Variants in PLEKHM2 observed in about 807,000 individuals in gnomAD.
The protein encoded by PLEKHM2 is pleckstrin homology domain-containing family M member 2.
A neutral mutation model predicts 116.3 loss-of-function variants in PLEKHM2; 77 were observed. That is an observed-to-expected ratio of 0.66 (90% CI 0.55 to 0.80). PLEKHM2 has a LOEUF of 0.80. Ranked by LOEUF, PLEKHM2 falls within the 30% of genes least tolerant of loss-of-function variation. PLEKHM2 has a pLI of 0.00. For missense variants in PLEKHM2, 1,183 were observed against 1,354.9 expected (o/e 0.87, Z 1.99); for synonymous variants, 562 against 571.0 (o/e 0.98, Z 0.22).
In PLEKHM2 at chr1:15,715,619, C is replaced by T. The variant is rs571578937; in HGVS notation, c.61-618C>T. Among the ~76,000 whole-genome samples, 9 of 152,128 alleles carry T rather than the reference C, an allele frequency of 5.9e-5. No individual in the cohort carries two copies. The South Asian group carries it at 1.2e-3, about 21-fold the overall frequency. On this transcript the variant is annotated intron_variant, in intron 1 of 19. Transcript: ENST00000375799. ...TCATGCCACTGCCCTCCAGCCTGGG[C>T]GACAGAACAAGACTTTGTCTCAATA...
chr1:15,723,520 G>A (rs781027200), intron 7 of PLEKHM2, among the ~76,000 whole-genome samples: 1 of 151,338 alleles, frequency 6.6e-6, no homozygotes, highest in Non-Finnish European at 1.5e-5. Context: ...CTGGAGGATC[G>A]CCTGAGCCCA....
intron 16 of PLEKHM2, 130 bp downstream of exon 16, chr1:15,731,387 G>A (rs984098455): frequency 3.1e-5 from 23 of 734,832 alleles, no homozygotes; most frequent in African/African-American, 1.2e-4. Flanking sequence ...CCTGACAGGT[G>A]GCCTGGGGCT....
At position 15,727,770 on chromosome 1, in the gene PLEKHM2, G is replaced by A. The variant is rs768902524; in HGVS notation, c.1698G>A (p.Glu566=). 5.6e-6 allele frequency: 9 copies of A among 1,604,936 alleles called. No individual in the cohort carries two copies. Among genetic ancestry groups the A allele is most frequent in the Non-Finnish European group, 1.7e-6 (2 of 1,176,690 alleles). ...CCAGCCCGTGTCTGAGTAGCGCTGA[G>A]GATTCTGGGGTGGATGAGGGACAGG... The part of the protein sequence containing the change: ...DQPSPCLSSA[E]DSGVDEGQGS... The change falls in exon 9 of 20, where the codon GAG becomes GAA. Residue 566 remains glutamate, a synonymous_variant. Coordinates refer to ENST00000375799, the MANE Select transcript of PLEKHM2 (RefSeq NM_015164.4). This position sits in a 1 kb window ranked among gnomAD's most constrained non-coding sequence, Gnocchi z 7.5.
At chr1:15,684,685 C>T in intron 1 of PLEKHM2, 67 bp downstream of exon 1, 1 of 609,428 alleles carries the variant, frequency 1.6e-6, no homozygotes, top group Non-Finnish European at 2.0e-6. Flanking sequence ...TCCGGCGGCG[C>T]TCTCCCGGGC....
chr1:15,727,688 T>A lies in PLEKHM2; in HGVS notation c.1616T>A (p.Val539Glu). The A allele has an allele frequency of 6.3e-7, 1 of 1,594,812 alleles. No homozygotes were observed. Among genetic ancestry groups the A allele is most frequent in the Non-Finnish European group, 8.5e-7 (1 of 1,171,598 alleles). Reference sequence around the variant, plus strand: ...CTGTCCCTGGTCAGGGAGGGGCCTGTGTCTGAGCCAGAGCCTGGGACCCAG... The same window carrying A: ...CTGTCCCTGGTCAGGGAGGGGCCTGAGTCTGAGCCAGAGCCTGGGACCCAG... The part of the protein sequence containing the change: ...AQLSLVREGP[V>E]SEPEPGTQEV... Residue 539 changes from valine to glutamate, a missense_variant, in exon 9 of 20, where the codon GTG becomes GAG. By Grantham distance (121) the Val-to-Glu change is moderately radical. Transcript: ENST00000375799. The surrounding 1 kb of genome is among the most constrained non-coding windows in gnomAD (Gnocchi z 7.5).
intron 1 of PLEKHM2, among the ~76,000 whole-genome samples, chr1:15,685,557 A>AAAG (rs1640752365): frequency 1.4e-5 from 2 of 147,954 alleles, no homozygotes; most frequent in African/African-American, 5.2e-5. Context: ...AAAAAAAAAA[A>AAAG]AAAGAAAGAA....
chr1:15,720,510 A>T, intron 6 of PLEKHM2: 1 of 983,290 alleles, frequency 1.0e-6, no homozygotes, highest in African/African-American at 1.7e-5. Flanking sequence ...TCTTGACCCA[A>T]TGATTTACTG....
intron 1 of PLEKHM2, among the ~76,000 whole-genome samples, chr1:15,712,362 ATCAG>A (rs1228321740): frequency 2.6e-5 from 4 of 152,146 alleles, no homozygotes; most frequent in Non-Finnish European, 2.9e-5. Context: ...CGGAGTGTAA[ATCAG>A]TCAGACATTC....
chr1:15,703,209 G>A (rs570020280), intron 1 of PLEKHM2, among the ~76,000 whole-genome samples: 30 of 152,334 alleles, frequency 2.0e-4, no homozygotes, highest in African/African-American at 6.5e-4. Context: ...AGGCCAGGCC[G>A]GGCCGGGCAA....
In PLEKHM2 at chr1:15,718,548, G is replaced by A. The variant is rs550524661; in HGVS notation, c.388G>A (p.Val130Ile). The A allele has an allele frequency of 3.9e-5, 61 of 1,570,912 alleles. No homozygotes were observed. The East Asian group carries it at 1.4e-3, about 35-fold the overall frequency. The change falls in exon 5 of 20, where the codon GTC becomes ATC. Residue 130 changes from valine (V) to isoleucine (I), a missense_variant. Around this residue, in one of 3 missense-constraint regions of PLEKHM2, gnomAD observed 217 missense variants for 277.6 expected, o/e 0.78. Transcript: ENST00000375799. ...TCTCATGTCTTGCAGGAATGCCCTG[G>A]TCTGCAGCCACGATCACCTGACGCT... ...LHKYYVKNAL[V>I]CSHDHLTLFL...
chr1:15,733,156 T>C (rs900602790), intron 19 of PLEKHM2, among the ~76,000 whole-genome samples: 2 of 152,236 alleles, frequency 1.3e-5, no homozygotes, highest in East Asian at 3.8e-4. Flanking sequence ...AAGGTGGGCA[T>C]GTTGGTGCCA....
intron 7 of PLEKHM2, among the ~76,000 whole-genome samples, chr1:15,724,302 G>A (rs1250964464): frequency 9.2e-5 from 14 of 152,170 alleles, no homozygotes; most frequent in Admixed American, 6.5e-4. Context: ...GGCCAACATG[G>A]TGAAACCCCA....
At chr1:15,724,912 G>A (rs888143657) in intron 7 of PLEKHM2, among the ~76,000 whole-genome samples, 2 of 152,134 alleles carry the variant, frequency 1.3e-5, no homozygotes. Flanking sequence ...CGTCCTGGCA[G>A]GAAGGCTCTG....
chr1:15,682,475 G>C (rs936029509), upstream of PLEKHM2, among the ~76,000 whole-genome samples: 11 of 149,836 alleles, frequency 7.3e-5, no homozygotes, highest in Admixed American at 7.4e-4. Context: ...AAATTAGCTG[G>C]GCATGGTGTC....
chr1:15,716,219 T>G lies in PLEKHM2; in HGVS notation c.61-18T>G, dbSNP rs982890901. 1.5e-6 allele frequency: 2 copies of G among 1,345,944 alleles called. No homozygotes were observed. Among genetic ancestry groups the G allele is most frequent in the African/African-American group, 1.6e-5 (1 of 64,430 alleles). The allele number at this position is 1,345,944 out of a possible 1,614,324, so 83.4% of individuals were successfully genotyped here. ...TCTTAATCCATTTCTGATTTGGAGG[T>G]GTTTTTTTTTCTTTCAGTTGCAGAG... On this transcript the variant is annotated intron_variant, in intron 1 of 19. Transcript: ENST00000375799.
chr1:15,719,023 C>T lies in PLEKHM2; in HGVS notation c.465+398C>T, dbSNP rs1379438698. On this transcript the variant is annotated intron_variant, in intron 5 of 19. Coordinates refer to ENST00000375799, the MANE Select transcript of PLEKHM2 (RefSeq NM_015164.4). This position sits in a 1 kb window ranked among gnomAD's most constrained non-coding sequence, Gnocchi z 4.1. ...TCCATGAAGAGCCTTCAGCCACCCT[C>T]TTCAAGTTCTCAAGTTTCTCTCCCC... is the stretch of plus-strand genomic sequence containing the variant. Among the ~76,000 whole-genome samples, 2 of 152,178 alleles carry T rather than the reference C, an allele frequency of 1.3e-5. No individual in the cohort carries two copies. The highest frequency in any genetic ancestry group is 4.8e-5 in the African/African-American group (2 of 41,456).
rs556351751 is a variant in PLEKHM2 at position 15,722,051 on chromosome 1, G to A, written c.712+663G>A. ...CACAAAGCTATTCCCAGGTTGCCAC[G>A]ATTACTCAAAGCAAAGGCTATGTTG... On this transcript the variant is annotated intron_variant, in intron 7 of 19. Transcript: ENST00000375799. 1.8e-3 allele frequency among the ~76,000 whole-genome samples: 271 copies of A among 152,364 alleles called. 1 individual carries two copies. The highest frequency in any genetic ancestry group is 6.2e-3 in the African/African-American group (259 of 41,596).
At chr1:15,704,158 T>C (rs1343352871) in intron 1 of PLEKHM2, among the ~76,000 whole-genome samples, 1 of 152,160 alleles carries the variant, frequency 6.6e-6, no homozygotes, top group Non-Finnish European at 1.5e-5. Context: ...GGACTCTCCT[T>C]TGTGGCCAGA....
intron 1 of PLEKHM2, among the ~76,000 whole-genome samples, chr1:15,685,541 GAA>G (rs200301672): frequency 5.6e-3 from 412 of 73,540 alleles, no homozygotes; most frequent in African/African-American, 0.016. Context: ...CTCAGAAACT[GAA>G]AAAAAAAAAA....
Sources: gnomAD v4.1 joint callset for allele counts (sites outside exome capture counted in the v4.1 genomes callset) on GRCh38, gnomAD v4.1.1 for gene constraint, gnomAD v4.1.1 regional missense constraint, Gnocchi (gnomAD v3.1) non-coding constraint, MANE v1.5 for transcripts, NCBI Gene and HGNC (gene_info 2026-07-23, HGNC 2026-07-21) for gene names.